NID2: variants seen among roughly 807,000 people sequenced by gnomAD.
The protein encoded by NID2 is nidogen-2.
In NID2, 83 loss-of-function variants were observed where a neutral mutation model predicts 145.4. The ratio of observed to expected loss-of-function variants is 0.57; its 90% confidence interval spans 0.48 to 0.69. The LOEUF is 0.69. Ranked by LOEUF, NID2 falls within the 30% of genes least tolerant of loss-of-function variation. NID2 has a pLI of 0.00. For missense variants in NID2, 1,807 were observed against 1,765.7 expected (o/e 1.02, Z -0.42); for synonymous variants, 739 against 701.3 (o/e 1.05, Z -0.85).
At chr14:52,024,276 C>T (rs1238387978) in intron 12 of NID2, among the ~76,000 whole-genome samples, 1 of 152,160 alleles carries the variant, frequency 6.6e-6, no homozygotes, top group Non-Finnish European at 1.5e-5. Flanking sequence ...AATAAAGCAA[C>T]ATTGAAGGGA....
At chr14:52,048,382 G>A (rs1445974957) in intron 5 of NID2, among the ~76,000 whole-genome samples, 1 of 152,146 alleles carries the variant, frequency 6.6e-6, no homozygotes, top group Middle Eastern at 3.2e-3. Flanking sequence ...CCAGACCTCC[G>A]GCCAACGTGA....
Position 52,067,956 on chromosome 14 carries a change from G to A in NID2, c.436C>T (p.Arg146Cys). 3 of 1,611,386 alleles carry A rather than the reference G, an allele frequency of 1.9e-6. No homozygotes were observed. Among genetic ancestry groups the A allele is most frequent in the Non-Finnish European group, 2.5e-6 (3 of 1,179,040 alleles). Residue 146 changes from arginine (R) to cysteine (C), a missense_variant, in exon 2 of 22, where the codon CGC (arginine) becomes TGC (cysteine). Coordinates refer to ENST00000216286, the MANE Select transcript of NID2 (RefSeq NM_007361.4). ...AARYVRAGFP[R>C]SARFTPTHAF... ...TGGGTGGGGGTAAAGCGCGCAGAGC[G>A]CGGGAAGCCAGCGCGCACATAGCGG...
chr14:52,023,251 T>A (rs868726870), intron 12 of NID2, among the ~76,000 whole-genome samples: 17 of 151,154 alleles, frequency 1.1e-4, no homozygotes, highest in African/African-American at 3.4e-4. Context: ...CTGAGGGGGG[T>A]AGATCGATTG....
Position 52,038,935 on chromosome 14 carries a change from C to G in NID2, c.2069G>C (p.Gly690Ala). 1 of 1,613,752 alleles carries G rather than the reference C, an allele frequency of 6.2e-7. No homozygotes were observed. The highest frequency in any genetic ancestry group is 8.5e-7 in the Non-Finnish European group (1 of 1,179,890). Residue 690 changes from glycine (G) to alanine (A), a missense_variant, in exon 9 of 22, where the codon GGT (glycine) becomes GCT (alanine). By Grantham distance (60) the Gly-to-Ala change is moderately conservative. Coordinates refer to ENST00000216286, the MANE Select transcript of NID2 (RefSeq NM_007361.4). ...TSSRDYSLTF[G>A]AINQTWSYRI... ...GTAGGACCATGTTTGGTTGATTGCA[C>G]CAAAAGTCAGAGAGTAGTCTCTGGA...
Position 52,053,762 on chromosome 14 carries a change from C to T in NID2, c.1246G>A (p.Glu416Lys), listed in dbSNP as rs151032833. ...GGGTAGGGCTGGATGCTTCCGTTTT[C>T]GGGGTACGGTGGTGGGGTTTCCCAG... is the stretch of plus-strand genomic sequence containing the variant. ...PSWETPPPYP[E>K]NGSIQPYPDG... The change falls in exon 5 of 22, where the codon GAA (glutamate) becomes AAA (lysine). Residue 416 changes from glutamate (E) to lysine (K), a missense_variant. Physicochemically the swap from Glu to Lys is moderately conservative, Grantham distance 56. Transcript: ENST00000216286. 79 of 1,614,208 alleles carry T rather than the reference C, an allele frequency of 4.9e-5. No individual in the cohort carries two copies. The African/African-American group carries it at 7.2e-4, about 15-fold the overall frequency.
intron 9 of NID2, among the ~76,000 whole-genome samples, chr14:52,030,422 G>T (rs1229541337): frequency 4.0e-5 from 6 of 149,268 alleles, no homozygotes; most frequent in Non-Finnish European, 8.9e-5. Context: ...AGGATAGTTT[G>T]AAGCCAGGAG....
Position 52,068,793 on chromosome 14 carries a change from A to C in NID2, c.202T>G (p.Tyr68Asp). The change falls in exon 1 of 22, where the codon TAC (tyrosine) becomes GAC (aspartate). Residue 68 changes from tyrosine to aspartate, a missense_variant. Transcript: ENST00000216286. ...VVKLANPLHF[Y>D]EARFSNLYVG... ...TAGAGGTTGCTGAATCGGGCTTCGT[A>C]GAAGTGCAGGGGATTCGCCAGCTTC... is the stretch of plus-strand genomic sequence containing the variant. The C allele has an allele frequency of 6.2e-7, 1 of 1,607,226 alleles. No individual in the cohort carries two copies. Among genetic ancestry groups the C allele is most frequent in the Non-Finnish European group, 8.5e-7 (1 of 1,179,736 alleles).
chr14:52,014,356 C>T lies in NID2; in HGVS notation c.3351G>A (p.Gln1117=), dbSNP rs753151395. The stretch of plus-strand genomic sequence containing the variant: ...TGCCATTGAGGGGTAAGTAGCCAAT[C>T]TGCTGGCCCTGAGTATAGAGCAGGA... ...GTFLLYTQGQ[Q]IGYLPLNGTR... Residue 1117 remains glutamine, a synonymous_variant, in exon 16 of 22, where the codon CAG becomes CAA. Coordinates refer to ENST00000216286, the MANE Select transcript of NID2 (RefSeq NM_007361.4). The T allele has an allele frequency of 6.2e-7, 1 of 1,614,146 alleles. No homozygotes were observed. Among genetic ancestry groups the T allele is most frequent in the Non-Finnish European group, 8.5e-7 (1 of 1,180,058 alleles).
chr14:52,035,277 C>T (rs939367440), intron 9 of NID2, among the ~76,000 whole-genome samples: 8 of 152,186 alleles, frequency 5.3e-5, no homozygotes, highest in African/African-American at 1.9e-4. Flanking sequence ...CATCCTTCTC[C>T]TTCTTCCTCC....
At chr14:52,036,705 T>C (rs902795842) in intron 9 of NID2, among the ~76,000 whole-genome samples, 3 of 152,238 alleles carry the variant, frequency 2.0e-5, no homozygotes, top group Non-Finnish European at 4.4e-5. Context: ...GACCACATGA[T>C]GTAAAGTAGT....
In NID2 at chr14:52,049,966, A is replaced by C. The variant is rs544584862; in HGVS notation, c.1429+3613T>G. On this transcript the variant is annotated intron_variant, in intron 5 of 21. Coordinates refer to ENST00000216286, the MANE Select transcript of NID2 (RefSeq NM_007361.4). ...TGGTCTTTGGCACCTGGAGGGTTGCACTGGCAGCAGAACCTGCTTAAATTC... is the reference window on the plus strand; with the variant it reads ...TGGTCTTTGGCACCTGGAGGGTTGCCCTGGCAGCAGAACCTGCTTAAATTC... 9.9e-5 allele frequency among the ~76,000 whole-genome samples: 15 copies of C among 152,266 alleles called. No individual in the cohort carries two copies. The South Asian group carries it at 2.5e-3, about 25-fold the overall frequency.
At chr14:52,058,088 T>C (rs183461062) in intron 3 of NID2, among the ~76,000 whole-genome samples, 34 of 152,368 alleles carry the variant, frequency 2.2e-4, no homozygotes, top group Non-Finnish European at 3.7e-4. Flanking sequence ...TTTATTATGC[T>C]GTTTACTGCA....
chr14:52,017,181 T>C (rs1450365301), intron 14 of NID2, among the ~76,000 whole-genome samples: 2 of 152,216 alleles, frequency 1.3e-5, no homozygotes, highest in African/African-American at 2.4e-5. Context: ...CCCTGTGCTA[T>C]GTGTCTGCAT....
At chr14:52,029,753 T>C (rs911203572) in intron 9 of NID2, 63 bp from the exon 10 acceptor site, 8 of 1,444,206 alleles carry the variant, frequency 5.5e-6, no homozygotes, top group South Asian at 1.2e-5. Context: ...GTCACGGAGA[T>C]AGAGGAGTCC....
chr14:52,028,107 T>C (rs1891655889), intron 11 of NID2, among the ~76,000 whole-genome samples: 1 of 152,220 alleles, frequency 6.6e-6, no homozygotes, highest in Admixed American at 6.5e-5. Flanking sequence ...TCTAAAGAGC[T>C]GGAGGTGTTT....
chr14:52,053,243 T>C (rs74049394), intron 5 of NID2, among the ~76,000 whole-genome samples: 6,865 of 152,282 alleles, frequency 0.045, 186 homozygotes, highest in Middle Eastern at 0.078. Context: ...AGCCGCAAAA[T>C]GTTTTACCTT....
intron 4 of NID2, 30 bp from the exon 5 acceptor site, chr14:52,053,968 G>A: frequency 6.2e-7 from 1 of 1,611,554 alleles, no homozygotes; most frequent in Non-Finnish European, 8.5e-7. Context: ...CCAATAAGTA[G>A]GTGTTGGATG....
At chr14:52,058,148 A>G (rs79232910) in intron 3 of NID2, among the ~76,000 whole-genome samples, 1 of 152,386 alleles carries the variant, frequency 6.6e-6, no homozygotes, top group Non-Finnish European at 1.5e-5. Context: ...GTTCATTAAT[A>G]AGCTGTCTTT....
chr14:52,047,749 A>T (rs916546491), intron 5 of NID2, among the ~76,000 whole-genome samples: 4 of 152,266 alleles, frequency 2.6e-5, no homozygotes, highest in African/African-American at 9.6e-5. Context: ...GAGACTGAGG[A>T]GGAGCAGGTT....
Sources: allele counts gnomAD v4.1 joint callset (sites outside exome capture counted in the v4.1 genomes callset), GRCh38; gene constraint gnomAD v4.1.1; transcripts MANE v1.5; gene names NCBI Gene and HGNC (gene_info 2026-07-23, HGNC 2026-07-21).